The following MYO5A variants were observed in gnomAD, a reference collection of about 807,000 sequenced individuals.
MYO5A encodes the protein myosin VA, also known as unconventional myosin-Va.
Under a neutral mutation model 249.7 loss-of-function variants are expected in MYO5A, and 98 were observed. The observed-to-expected ratio is 0.39, with a 90% CI of 0.33 to 0.46. The LOEUF (loss-of-function observed/expected upper bound fraction) is 0.46, where lower values mean the gene tolerates loss of function less well. Ranked by LOEUF, MYO5A falls within the 20% of genes least tolerant of loss-of-function variation. The pLI is 0.98. For missense variants in MYO5A, 1,696 were observed against 2,308.8 expected (o/e 0.73, Z 5.44); for synonymous variants, 778 against 810.6 (o/e 0.96, Z 0.68).
intron 1 of MYO5A, among the ~76,000 whole-genome samples, chr15:52,512,791 A>G (rs1387060174): frequency 6.6e-6 from 1 of 152,212 alleles, no homozygotes; most frequent in Non-Finnish European, 1.5e-5. Context: ...ACTCTCAATT[A>G]TGTTTTAATA....
chr15:52,503,653 A>C (rs1566861976), intron 1 of MYO5A, among the ~76,000 whole-genome samples: 1 of 152,188 alleles, frequency 6.6e-6, no homozygotes, highest in Non-Finnish European at 1.5e-5. Flanking sequence ...ATAAATTTAC[A>C]AAAATAAATT....
intron 23 of MYO5A, among the ~76,000 whole-genome samples, chr15:52,366,629 C>CAAAAAAAAAAA (rs60631867): frequency 2.4e-4 from 18 of 74,548 alleles, no homozygotes; most frequent in East Asian, 6.9e-4. Context: ...ATTGATTTAG[C>CAAAAAAAAAAA]AAAAAAAAAA....
chr15:52,480,201 A>G (rs1342808331), intron 1 of MYO5A, among the ~76,000 whole-genome samples: 25 of 152,232 alleles, frequency 1.6e-4, no homozygotes, highest in Non-Finnish European at 3.7e-4. Context: ...GAAGGAAGAA[A>G]TAAGAACTAA....
chr15:52,503,709 T>A (rs922583593), intron 1 of MYO5A, among the ~76,000 whole-genome samples: 1 of 152,146 alleles, frequency 6.6e-6, no homozygotes, highest in African/African-American at 2.4e-5. Flanking sequence ...ATCAAAAAAA[T>A]TAAGTAAGTG....
chr15:52,378,645 T>C (rs1180229318), intron 18 of MYO5A, among the ~76,000 whole-genome samples: 1 of 145,396 alleles, frequency 6.9e-6, no homozygotes, highest in African/African-American at 2.5e-5. Flanking sequence ...AAAAAAGGCA[T>C]CACATTTAGT....
chr15:52,391,854 C>T, intron 12 of MYO5A, 76 bp downstream of exon 12: 2 of 1,465,458 alleles, frequency 1.4e-6, no homozygotes, highest in Non-Finnish European at 1.9e-6. Context: ...TAATGAATCT[C>T]TCCTTGAACC....
intron 17 of MYO5A, 41 bp from the exon 18 acceptor site, chr15:52,379,774 G>C (rs375815953): frequency 6.2e-7 from 1 of 1,613,842 alleles, no homozygotes; most frequent in African/African-American, 1.3e-5. Flanking sequence ...AAAGAACTAG[G>C]ATCTTCTCCC....
chr15:52,411,534 A>C (rs1377409533), intron 5 of MYO5A, among the ~76,000 whole-genome samples: 1 of 147,520 alleles, frequency 6.8e-6, no homozygotes, highest in Non-Finnish European at 1.5e-5. Flanking sequence ...TTTTAAGGCA[A>C]AGCAAAAAAA....
intron 1 of MYO5A, among the ~76,000 whole-genome samples, chr15:52,445,048 C>T (rs1452841715): frequency 7.3e-6 from 1 of 137,736 alleles, no homozygotes; most frequent in Non-Finnish European, 1.7e-5. Flanking sequence ...GGAATCGACA[C>T]TTCTAGGTCT....
chr15:52,507,803 C>CAAAAAA (rs146846192), intron 1 of MYO5A, among the ~76,000 whole-genome samples: 5 of 127,152 alleles, frequency 3.9e-5, no homozygotes, highest in African/African-American at 6.4e-5. Flanking sequence ...GACCCTGTCC[C>CAAAAAA]CAAAAAAAAA....
intron 1 of MYO5A, among the ~76,000 whole-genome samples, chr15:52,464,557 T>C (rs1294959844): frequency 6.6e-6 from 1 of 152,220 alleles, no homozygotes; most frequent in African/African-American, 2.4e-5. Context: ...AGAAAGCCTG[T>C]GAGGGCAGGG....
chr15:52,397,851 C>G lies in MYO5A; in HGVS notation c.1054-385G>C, dbSNP rs145583988. Among the ~76,000 whole-genome samples, 68 of 152,258 alleles carry G rather than the reference C, an allele frequency of 4.5e-4. 1 individual carries two copies. The East Asian group carries it at 0.011, about 25-fold the overall frequency. On this transcript the variant is annotated intron_variant, in intron 9 of 41. Coordinates refer to ENST00000399233, the MANE Select transcript of MYO5A (RefSeq NM_001382347.1). ...TCCCTGCCCTCCTAGAACTTATAGT[C>G]ACTTGGGGAAATGGGTATTAATCAA...
chr15:52,429,932 G>A (rs897735204), intron 2 of MYO5A, among the ~76,000 whole-genome samples: 14 of 152,060 alleles, frequency 9.2e-5, no homozygotes, highest in African/African-American at 2.7e-4. Context: ...ACGGGAATAC[G>A]GCTTCATGGC....
At position 52,313,590 on chromosome 15, in the gene MYO5A, A is replaced by T. The variant is rs1278798390; in HGVS notation, c.*106T>A. 1.5e-6 allele frequency: 2 copies of T among 1,362,836 alleles called. No individual in the cohort carries two copies. Among genetic ancestry groups the T allele is most frequent in the African/African-American group, 2.9e-5 (2 of 69,340 alleles). The allele number at this position is 1,362,836 out of a possible 1,614,324, so 84.4% of individuals were successfully genotyped here. ...GTTAATGACTTCTCATTTGGGAGAT[A>T]ATCAGTACTTTCTCTTTAAAAATGT... On this transcript the variant is annotated 3_prime_UTR_variant, in exon 42 of 42. Transcript: ENST00000399233.
chr15:52,328,422 G>A (rs1318148840), intron 35 of MYO5A, among the ~76,000 whole-genome samples: 2 of 151,994 alleles, frequency 1.3e-5, no homozygotes, highest in African/African-American at 4.8e-5. Context: ...CCTCATTTTT[G>A]ACTCCTTTCT....
intron 1 of MYO5A, among the ~76,000 whole-genome samples, chr15:52,439,786 G>A (rs757057601): frequency 6.6e-6 from 1 of 152,140 alleles, no homozygotes; most frequent in African/African-American, 2.4e-5. Context: ...GGAAAAAGAA[G>A]AGCCTGAGAT....
intron 34 of MYO5A, among the ~76,000 whole-genome samples, chr15:52,331,533 T>C (rs759250101): frequency 6.6e-6 from 1 of 152,220 alleles, no homozygotes; most frequent in African/African-American, 2.4e-5. Context: ...AGTTCTGAGA[T>C]TGCTGTCAAA....
At chr15:52,484,886 A>T (rs1176578617) in intron 1 of MYO5A, among the ~76,000 whole-genome samples, 1 of 151,258 alleles carries the variant, frequency 6.6e-6, no homozygotes, top group Non-Finnish European at 1.5e-5. Context: ...TCCTGGATGA[A>T]TTTTTTTGTA....
intron 34 of MYO5A, among the ~76,000 whole-genome samples, chr15:52,331,378 G>C (rs1423217152): frequency 1.3e-5 from 2 of 152,090 alleles, no homozygotes; most frequent in South Asian, 4.1e-4. Context: ...ATTGAGACTT[G>C]AGTGGGAAAT....
Sources: gnomAD v4.1 joint callset for allele counts (sites outside exome capture counted in the v4.1 genomes callset) on GRCh38, gnomAD v4.1.1 for gene constraint, MANE v1.5 for transcripts, NCBI Gene and HGNC (gene_info 2026-07-23, HGNC 2026-07-21) for gene names.